ANKS1B: variants seen among roughly 807,000 people sequenced by gnomAD.
ANKS1B encodes the protein ankyrin repeat and sterile alpha motif domain-containing protein 1B.
Under a neutral mutation model 148.3 loss-of-function variants are expected in ANKS1B, and 36 were observed. The ratio of observed to expected loss-of-function variants is 0.24; its 90% CI spans 0.19 to 0.32. The LOEUF (loss-of-function observed/expected upper bound fraction) is 0.32. Ranked by LOEUF, ANKS1B falls within the 10% of genes least tolerant of loss-of-function variation. The pLI is 1.00. For synonymous variants in ANKS1B, 542 were observed against 560.8 expected (o/e 0.97, Z 0.47); for missense variants, 1,157 against 1,542.6 (o/e 0.75, Z 4.19).
At chr12:99,551,687 A>C (rs982673279) in intron 9 of ANKS1B, among the ~76,000 whole-genome samples, 12 of 152,140 alleles carry the variant, frequency 7.9e-5, no homozygotes, top group African/African-American at 2.9e-4. Context: ...TAAAGTGAGA[A>C]GGCAGACATT....
At chr12:99,318,185 G>C (rs982871197) in intron 12 of ANKS1B, among the ~76,000 whole-genome samples, 2 of 152,214 alleles carry the variant, frequency 1.3e-5, no homozygotes, top group African/African-American at 4.8e-5. Context: ...CTCATAAAAT[G>C]AGTTAGGGAG....
At chr12:99,084,246 G>A (rs1289975588) in intron 16 of ANKS1B, among the ~76,000 whole-genome samples, 1 of 152,126 alleles carries the variant, frequency 6.6e-6, no homozygotes, top group Non-Finnish European at 1.5e-5. Context: ...GGGGCAGGAG[G>A]CTTTTAAGCC....
At chr12:99,487,500 C>T (rs2096506973) in intron 10 of ANKS1B, among the ~76,000 whole-genome samples, 1 of 151,990 alleles carries the variant, frequency 6.6e-6, no homozygotes, top group Non-Finnish European at 1.5e-5. Flanking sequence ...ACAATTGGGT[C>T]AGGCAAAATG....
At chr12:99,115,695 C>T (rs1334144612) in intron 15 of ANKS1B, among the ~76,000 whole-genome samples, 1 of 152,058 alleles carries the variant, frequency 6.6e-6, no homozygotes, top group African/African-American at 2.4e-5. Context: ...CTTTGGGAGG[C>T]TGAGGTGGGT....
chr12:99,866,594 A>T (rs891093503), intron 1 of ANKS1B, among the ~76,000 whole-genome samples: 5 of 152,164 alleles, frequency 3.3e-5, no homozygotes, highest in African/African-American at 1.2e-4. Context: ...ATGTTCAATT[A>T]TCTTGTACTT....
intron 14 of ANKS1B, among the ~76,000 whole-genome samples, chr12:99,159,300 T>A (rs2076397673): frequency 6.6e-6 from 1 of 152,180 alleles, no homozygotes; most frequent in South Asian, 2.1e-4. Flanking sequence ...GATGTTAAGG[T>A]TTGGGGCATG....
At chr12:99,356,051 A>T (rs1026554078) in intron 12 of ANKS1B, among the ~76,000 whole-genome samples, 1 of 152,132 alleles carries the variant, frequency 6.6e-6, no homozygotes, top group African/African-American at 2.4e-5. Context: ...ACAACAGGGG[A>T]TTAGAATATT....
chr12:99,853,657 A>G (rs2153709493), intron 1 of ANKS1B, among the ~76,000 whole-genome samples: 1 of 152,228 alleles, frequency 6.6e-6, no homozygotes, highest in Admixed American at 6.5e-5. Flanking sequence ...ATATGGCAAA[A>G]CAAAGTTCTT....
At chr12:99,090,088 T>C (rs61933375) in intron 15 of ANKS1B, among the ~76,000 whole-genome samples, 12,176 of 152,196 alleles carry the variant, frequency 0.08, 628 homozygotes, top group Middle Eastern at 0.13. Flanking sequence ...ACGGGGAGAA[T>C]ATCTTAGGTA....
intron 12 of ANKS1B, among the ~76,000 whole-genome samples, chr12:99,257,175 C>T (rs893089054): frequency 2.0e-5 from 3 of 151,860 alleles, no homozygotes; most frequent in Admixed American, 6.6e-5. Context: ...ACCCGGGAGG[C>T]GGAGCTTGCA....
intron 15 of ANKS1B, among the ~76,000 whole-genome samples, chr12:99,087,608 A>G (rs1334866958): frequency 6.6e-6 from 1 of 152,224 alleles, no homozygotes; most frequent in African/African-American, 2.4e-5. Context: ...GGCATGAGCG[A>G]GATATGTGAT....
chr12:99,246,503 T>C lies in ANKS1B; in HGVS notation c.2118A>G (p.Ala706=). ...SRNGDQWVMN[A]GGFVERACTL... is the part of the protein sequence containing the mutation. ...TACAGGCTCTCTCCACAAATCCCCC[T>C]GCGTTCATAACCCACTGGTCCCCAT... is the stretch of plus-strand genomic sequence containing the variant. The change falls in exon 13 of 27, where the codon GCA becomes GCG. Residue 706 remains alanine (A), a synonymous_variant. Transcript: ENST00000683438. 3 of 1,613,912 alleles carry C rather than the reference T, an allele frequency of 1.9e-6. No homozygotes were observed. Among genetic ancestry groups the C allele is most frequent in the South Asian group, 2.2e-5 (2 of 91,072 alleles).
At chr12:99,039,323 C>G (rs1185351369) in intron 17 of ANKS1B, among the ~76,000 whole-genome samples, 1 of 152,240 alleles carries the variant, frequency 6.6e-6, no homozygotes, top group Non-Finnish European at 1.5e-5. Context: ...AAGTCTGTCT[C>G]TGATGACTTT....
At chr12:98,753,305 G>T (rs1393549004) in intron 25 of ANKS1B, among the ~76,000 whole-genome samples, 3 of 152,176 alleles carry the variant, frequency 2.0e-5, no homozygotes, top group Admixed American at 6.5e-5. Context: ...CCCAAAAGAG[G>T]CAGGGTGGCC....
At chr12:99,513,319 T>C (rs1351416324) in intron 9 of ANKS1B, among the ~76,000 whole-genome samples, 1 of 152,080 alleles carries the variant, frequency 6.6e-6, no homozygotes, top group African/African-American at 2.4e-5. Flanking sequence ...ACCAAAAAAA[T>C]CATGTGACTG....
intron 4 of ANKS1B, among the ~76,000 whole-genome samples, chr12:99,789,733 G>C (rs571970183): frequency 1.3e-5 from 2 of 152,218 alleles, no homozygotes; most frequent in East Asian, 3.9e-4. Flanking sequence ...CGAGCTTGAA[G>C]ACAGGTATTC....
chr12:98,857,029 T>A (rs570582193), intron 17 of ANKS1B, among the ~76,000 whole-genome samples: 1 of 107,404 alleles, frequency 9.3e-6, no homozygotes, highest in Admixed American at 1.1e-4. Flanking sequence ...TCCTAAGACA[T>A]AACCCCTGCA....
chr12:99,437,959 C>G (rs544831030), intron 11 of ANKS1B, among the ~76,000 whole-genome samples: 1 of 152,072 alleles, frequency 6.6e-6, no homozygotes, highest in East Asian at 1.9e-4. Context: ...AAATTGCATT[C>G]TTGAAGGTCT....
rs2099007377 is a variant in ANKS1B at position 98,801,911 on chromosome 12, G to A, written c.3142-786C>T. On this transcript the variant is annotated intron_variant, in intron 20 of 26. Coordinates refer to ENST00000683438, the MANE Select transcript of ANKS1B (RefSeq NM_001352186.2). This position sits in a 1 kb window ranked among gnomAD's most constrained non-coding sequence, Gnocchi z 5.2. ...CATTTCATTTATCATTTTCCATGAG[G>A]TTAGCCTCAACCTGTTTCATCAGTA... Among the ~76,000 whole-genome samples the A allele has an allele frequency of 6.6e-6, 1 of 152,186 alleles. No individual in the cohort carries two copies. The highest frequency in any genetic ancestry group is 1.5e-5 in the Non-Finnish European group (1 of 68,030).
Sources: gnomAD v4.1 joint callset for allele counts (sites outside exome capture counted in the v4.1 genomes callset) on GRCh38, gnomAD v4.1.1 for gene constraint, Gnocchi (gnomAD v3.1) non-coding constraint, MANE v1.5 for transcripts, NCBI Gene and HGNC (gene_info 2026-07-23, HGNC 2026-07-21) for gene names.